PCBD2: variants seen among roughly 807,000 people sequenced by gnomAD.
PCBD2 encodes the protein pterin-4-alpha-carbinolamine dehydratase 2.
Under a neutral mutation model 16.4 loss-of-function variants are expected in PCBD2, and 12 were observed. The observed-to-expected ratio is 0.73, with a 90% CI of 0.47 to 1.19. The LOEUF is 1.19. PCBD2 is among the 50% of genes most tolerant of loss of function. PCBD2 has a pLI of 0.00. For missense variants in PCBD2, 138 were observed against 156.8 expected (o/e 0.88, Z 0.64); for synonymous variants, 58 against 61.8 (o/e 0.94, Z 0.29).
chr5:134,943,462 C>T (rs1352429915), intron 2 of PCBD2, among the ~76,000 whole-genome samples: 1 of 152,202 alleles, frequency 6.6e-6, no homozygotes. Flanking sequence ...ACCAGTATTG[C>T]AGATTTGTAA....
In PCBD2 at chr5:134,960,859, C is replaced by T; in HGVS notation, c.*178C>T. 4.0e-6 allele frequency: 2 copies of T among 503,444 alleles called. No homozygotes were observed. Among genetic ancestry groups the T allele is most frequent in the Non-Finnish European group, 7.0e-6 (2 of 284,250 alleles). 31.2% of individuals were successfully genotyped at this position (503,444 alleles called of 1,614,324 possible). Reference sequence around the variant, plus strand: ...TCGGCTCACTGTAACCTCCGCCTCCCAGGTTCAGGTGATTCTCCTGCCTCA... The same window carrying T: ...TCGGCTCACTGTAACCTCCGCCTCCTAGGTTCAGGTGATTCTCCTGCCTCA... On this transcript the variant is annotated 3_prime_UTR_variant, in exon 4 of 4. Coordinates refer to ENST00000254908, the MANE Select transcript of PCBD2 (RefSeq NM_032151.5).
chr5:134,928,720 A>C (rs993671082), intron 2 of PCBD2, among the ~76,000 whole-genome samples: 16 of 152,196 alleles, frequency 1.1e-4, no homozygotes, highest in South Asian at 4.1e-4. Flanking sequence ...CTGTAGTCCC[A>C]GCTACTTGGG....
At chr5:134,937,606 GCA>G (rs1290771155) in intron 2 of PCBD2, among the ~76,000 whole-genome samples, 1 of 152,220 alleles carries the variant, frequency 6.6e-6, no homozygotes, top group Non-Finnish European at 1.5e-5. Context: ...GGGCTCTAAT[GCA>G]CACTGTTTTA....
Position 134,947,095 on chromosome 5 carries a change from A to AT in PCBD2, c.217-11931dup, listed in dbSNP as rs1202130698. ...ATTTTGCATGCTATTAAAAAAAAAAATTTTTTTTTTTTTTGAGATGGAGTT... is the reference window on the plus strand; with the variant it reads ...ATTTTGCATGCTATTAAAAAAAAAAATTTTTTTTTTTTTTTGAGATGGAGTT... On this transcript the variant is annotated intron_variant, in intron 2 of 3. Transcript: ENST00000254908. 8.0e-3 allele frequency among the ~76,000 whole-genome samples: 1,172 copies of AT among 146,736 alleles called. 11 individuals carry two copies. The highest frequency in any genetic ancestry group is 0.027 in the African/African-American group (1,079 of 40,124).
intron 2 of PCBD2, among the ~76,000 whole-genome samples, chr5:134,948,459 T>C (rs912669535): frequency 6.6e-6 from 1 of 152,186 alleles, no homozygotes; most frequent in African/African-American, 2.4e-5. Context: ...TTTGTGGATG[T>C]AAACCCTGCC....
At chr5:134,905,575 G>A in intron 1 of PCBD2, 1 of 203,086 alleles carries the variant, frequency 4.9e-6, no homozygotes. Flanking sequence ...GTTGTGCTGA[G>A]GACGAACGGC....
intron 2 of PCBD2, chr5:134,928,224 C>T: frequency 2.6e-6 from 1 of 389,124 alleles, no homozygotes. Context: ...AGTATTATTC[C>T]TTCTAGGCAT....
intron 2 of PCBD2, chr5:134,925,978 C>A (rs374356491): frequency 2.6e-6 from 1 of 387,968 alleles, no homozygotes; most frequent in South Asian, 1.3e-4. Flanking sequence ...GGCATCTGCT[C>A]GGGCGTATCA....
At chr5:134,952,082 G>A (rs992363227) in intron 2 of PCBD2, among the ~76,000 whole-genome samples, 1 of 150,868 alleles carries the variant, frequency 6.6e-6, no homozygotes, top group Non-Finnish European at 1.5e-5. Context: ...ATTGTTTTTC[G>A]GTGCCATTTT....
chr5:134,939,886 A>G (rs374615208), intron 2 of PCBD2, among the ~76,000 whole-genome samples: 12 of 152,166 alleles, frequency 7.9e-5, no homozygotes, highest in African/African-American at 2.6e-4. Flanking sequence ...TTCCTAAACA[A>G]TGTAATTGCT....
In PCBD2 at chr5:134,922,693, C is replaced by T. The variant is rs1038405748; in HGVS notation, c.216+12227C>T. Among the ~76,000 whole-genome samples the T allele has an allele frequency of 9.5e-5, 14 of 147,712 alleles. No homozygotes were observed. In the South Asian group the frequency reaches 1.5e-3, roughly 16 times the overall value. ...TTTTTTTTTTTTTGAGACGGAGTCT[C>T]GCTCTGTCACCCAGGCTGGAGTGCA... On this transcript the variant is annotated intron_variant, in intron 2 of 3. Coordinates refer to ENST00000254908, the MANE Select transcript of PCBD2 (RefSeq NM_032151.5).
chr5:134,925,823 G>A (rs1750985436), intron 2 of PCBD2: 2 of 395,016 alleles, frequency 5.1e-6, no homozygotes, highest in South Asian at 1.3e-4. Context: ...AAGCCTAGTA[G>A]TGGGGTGAGG....
intron 2 of PCBD2, among the ~76,000 whole-genome samples, chr5:134,938,692 A>T (rs999568176): frequency 6.6e-6 from 1 of 152,220 alleles, no homozygotes; most frequent in Non-Finnish European, 1.5e-5. Context: ...GAATGCTTGA[A>T]TGCTGTCTGA....
intron 2 of PCBD2, among the ~76,000 whole-genome samples, chr5:134,941,550 T>G (rs1048531054): frequency 6.6e-6 from 1 of 152,226 alleles, no homozygotes; most frequent in East Asian, 1.9e-4. Context: ...GGTATACATG[T>G]CTCTCTTCTA....
At chr5:134,951,988 G>A (rs1751363835) in intron 2 of PCBD2, among the ~76,000 whole-genome samples, 2 of 152,022 alleles carry the variant, frequency 1.3e-5, no homozygotes, top group Admixed American at 6.6e-5. Context: ...TTTTCGTGTA[G>A]TAAGATTTAT....
intron 2 of PCBD2, among the ~76,000 whole-genome samples, chr5:134,929,380 T>C (rs1048036727): frequency 2.7e-5 from 4 of 146,378 alleles, no homozygotes; most frequent in Admixed American, 2.7e-4. Context: ...GAAAATCAGG[T>C]CAATGTCATG....
intron 2 of PCBD2, among the ~76,000 whole-genome samples, chr5:134,951,815 A>G (rs886907371): frequency 1.3e-5 from 2 of 152,172 alleles, no homozygotes; most frequent in Non-Finnish European, 2.9e-5. Context: ...CATTTAAAAA[A>G]TGGTGGTTGG....
chr5:134,912,965 T>C (rs1750785927), intron 2 of PCBD2, among the ~76,000 whole-genome samples: 1 of 152,182 alleles, frequency 6.6e-6, no homozygotes, highest in African/African-American at 2.4e-5. Flanking sequence ...TAGGATGGTG[T>C]AAGTAAAAAA....
intron 2 of PCBD2, chr5:134,924,521 G>A: frequency 2.5e-6 from 1 of 397,770 alleles, no homozygotes; most frequent in Non-Finnish European, 4.4e-6. Context: ...AAGGGTCAGG[G>A]CTGATTCGGG....
Sources: gnomAD v4.1 joint callset for allele counts (sites outside exome capture counted in the v4.1 genomes callset) on GRCh38, gnomAD v4.1.1 for gene constraint, MANE v1.5 for transcripts, NCBI Gene and HGNC (gene_info 2026-07-23, HGNC 2026-07-21) for gene names.